HYCC1: variants seen among roughly 807,000 people sequenced by gnomAD.
HYCC1 encodes the protein hyccin PI4KA lipid kinase complex subunit 1.
At chr7:22,971,659 G>A in the HYCC1 span, among the ~76,000 whole-genome samples, 4 of 124,464 alleles carry the variant, frequency 3.2e-5, no homozygotes, top group Admixed American at 3.1e-4. Flanking sequence ...CTGGGCAACA[G>A]AGCAAGACCC....
chr7:22,924,177 C>CAAA, the HYCC1 span, among the ~76,000 whole-genome samples: 10,868 of 95,058 alleles, frequency 0.11, 738 homozygotes, highest in East Asian at 0.35. Context: ...GACTCTGTAT[C>CAAA]AAAAAAAAAA....
chr7:22,957,673 A>G, the HYCC1 span, among the ~76,000 whole-genome samples: 1 of 152,004 alleles, frequency 6.6e-6, no homozygotes, highest in African/African-American at 2.4e-5. Context: ...GGGTTTGGGA[A>G]GAAATTTGTC....
chr7:22,899,484 G>A, the HYCC1 span, among the ~76,000 whole-genome samples: 1 of 152,122 alleles, frequency 6.6e-6, no homozygotes, highest in Non-Finnish European at 1.5e-5. Context: ...CTGTCCCTCT[G>A]CACACACAAG....
chr7:22,964,929 T>C, the HYCC1 span, among the ~76,000 whole-genome samples: 1 of 151,290 alleles, frequency 6.6e-6, no homozygotes. Flanking sequence ...AGGCCAGGAG[T>C]TCGAGACCAG....
the HYCC1 span, among the ~76,000 whole-genome samples, chr7:22,913,142 G>A: frequency 6.8e-6 from 1 of 147,712 alleles, no homozygotes; most frequent in African/African-American, 2.5e-5. Context: ...AAAAAAAGAA[G>A]TACTCTCCTG....
chr7:22,979,412 C>T, the HYCC1 span, among the ~76,000 whole-genome samples: 1 of 152,114 alleles, frequency 6.6e-6, no homozygotes, highest in Admixed American at 6.6e-5. Context: ...TAGAGGGCAA[C>T]AGATGTCCAC....
the HYCC1 span, among the ~76,000 whole-genome samples, chr7:22,906,579 A>AAT: frequency 2.7e-5 from 4 of 149,004 alleles, no homozygotes; most frequent in Middle Eastern, 3.5e-3. Context: ...CTCGGTCTCA[A>AAT]AAAAAAAAAA....
chr7:22,922,820 G>C, the HYCC1 span, among the ~76,000 whole-genome samples: 1 of 152,010 alleles, frequency 6.6e-6, no homozygotes, highest in Non-Finnish European at 1.5e-5. Flanking sequence ...GAAATAAATA[G>C]GGACATTTTA....
the HYCC1 span, chr7:22,964,376 G>T: frequency 1.7e-6 from 2 of 1,147,990 alleles, no homozygotes; most frequent in African/African-American, 1.5e-5. Context: ...ATTTTCCAAA[G>T]AAATTAAATG....
At chr7:22,993,947 G>A in the HYCC1 span, among the ~76,000 whole-genome samples, 1 of 152,128 alleles carries the variant, frequency 6.6e-6, no homozygotes, top group African/African-American at 2.4e-5. Flanking sequence ...TGAAAGCTAT[G>A]TTCAGAAAAT....
At chr7:22,908,409 G>A in the HYCC1 span, among the ~76,000 whole-genome samples, 15 of 152,170 alleles carry the variant, frequency 9.9e-5, no homozygotes, top group Non-Finnish European at 1.8e-4. Context: ...ACACAGACAC[G>A]ATTTGGCATT....
chr7:22,909,048 G>A, the HYCC1 span, among the ~76,000 whole-genome samples: 1 of 152,188 alleles, frequency 6.6e-6, no homozygotes, highest in Non-Finnish European at 1.5e-5. Context: ...ACCATGCTGG[G>A]AGAGGACAAC....
chr7:22,922,976 A>G, the HYCC1 span, among the ~76,000 whole-genome samples: 4 of 152,230 alleles, frequency 2.6e-5, no homozygotes, highest in Non-Finnish European at 4.4e-5. Flanking sequence ...AGATACTTCA[A>G]TACTCCACTT....
the HYCC1 span, among the ~76,000 whole-genome samples, chr7:22,924,526 G>T: frequency 1.3e-5 from 2 of 152,220 alleles, no homozygotes; most frequent in African/African-American, 4.8e-5. Flanking sequence ...CAGCACACCA[G>T]GAGATTATAT....
At chr7:22,981,091 C>A in the HYCC1 span, among the ~76,000 whole-genome samples, 2 of 152,174 alleles carry the variant, frequency 1.3e-5, no homozygotes, top group Non-Finnish European at 2.9e-5. Context: ...TCCCTTACTT[C>A]ATTTTATTTA....
At chr7:22,991,135 T>C in the HYCC1 span, 1 of 1,596,684 alleles carries the variant, frequency 6.3e-7, no homozygotes, top group Admixed American at 1.7e-5. Flanking sequence ...TTCTAAACCT[T>C]CAACCTGAAA....
At chr7:22,913,686 C>G in the HYCC1 span, among the ~76,000 whole-genome samples, 1 of 152,222 alleles carries the variant, frequency 6.6e-6, no homozygotes, top group Non-Finnish European at 1.5e-5. Flanking sequence ...ACTACTTACC[C>G]AAACCCTATA....
the HYCC1 span, among the ~76,000 whole-genome samples, chr7:22,901,174 T>G: frequency 2.9e-5 from 4 of 137,236 alleles, no homozygotes; most frequent in Non-Finnish European, 4.5e-5. Context: ...TAAGCCATGA[T>G]TGCACCACTG....
At chr7:23,012,367 A>T in the HYCC1 span, among the ~76,000 whole-genome samples, 2 of 152,248 alleles carry the variant, frequency 1.3e-5, no homozygotes, top group African/African-American at 4.8e-5. Context: ...ACGCTGACCC[A>T]GCTAATGCCT....
Sources: gnomAD v4.1 joint callset for allele counts (sites outside exome capture counted in the v4.1 genomes callset) on GRCh38, gnomAD v4.1.1 for gene constraint, MANE v1.5 for transcripts, NCBI Gene and HGNC (gene_info 2026-07-23, HGNC 2026-07-21) for gene names.